Variants in SCAPER observed in about 807,000 individuals in gnomAD.
The protein encoded by SCAPER is S-phase cyclin A associated protein in the ER.
A neutral mutation model predicts 182.2 loss-of-function variants in SCAPER; 98 were observed. The observed-to-expected ratio is 0.54, with a 90% CI of 0.46 to 0.64. The LOEUF (loss-of-function observed/expected upper bound fraction) is 0.64, where lower values mean the gene tolerates loss of function less well. Ranked by LOEUF, SCAPER falls within the 30% of genes least tolerant of loss-of-function variation. The probability of loss-of-function intolerance (pLI) is 0.00; values close to 1 mark genes in which losing one functional copy is unlikely to be tolerated. For missense variants in SCAPER, 1,432 were observed against 1,690.0 expected, an observed-to-expected ratio of 0.85 and a Z score of 2.68; for synonymous variants, 605 against 564.6, an observed-to-expected ratio of 1.07 and a Z score of -1.01.
intron 29 of SCAPER, among the ~76,000 whole-genome samples, chr15:76,360,080 C>G (rs760300618): frequency 2.6e-5 from 4 of 152,160 alleles, no homozygotes; most frequent in Non-Finnish European, 4.4e-5. Context: ...ATTAGGATTA[C>G]AATCCTCAGG....
intron 2 of SCAPER, among the ~76,000 whole-genome samples, chr15:76,869,899 A>G (rs1045070785): frequency 2.6e-5 from 4 of 152,214 alleles, no homozygotes; most frequent in Non-Finnish European, 5.9e-5. Flanking sequence ...ACAAAGTTGA[A>G]TATCATTCAG....
intron 23 of SCAPER, among the ~76,000 whole-genome samples, chr15:76,507,367 G>A (rs900451031): frequency 3.7e-4 from 57 of 152,038 alleles, no homozygotes; most frequent in Admixed American, 6.6e-4. Flanking sequence ...AAAACCGAGG[G>A]AAAATCAATT....
intron 26 of SCAPER, among the ~76,000 whole-genome samples, chr15:76,426,656 A>G (rs1237298356): frequency 6.6e-6 from 1 of 151,524 alleles, no homozygotes; most frequent in East Asian, 1.9e-4. Context: ...CAATCTACAG[A>G]TTTAATGCAA....
intron 5 of SCAPER, among the ~76,000 whole-genome samples, chr15:76,820,235 C>A (rs2067425024): frequency 6.6e-6 from 1 of 152,120 alleles, no homozygotes; most frequent in Non-Finnish European, 1.5e-5. Context: ...CATCCCATTA[C>A]TGGGTATATA....
chr15:76,496,170 CTGGCTTCTAATTTCAGGAAAATCAT>C (rs2040514922), intron 24 of SCAPER, among the ~76,000 whole-genome samples: 1 of 151,960 alleles, frequency 6.6e-6, no homozygotes, highest in Non-Finnish European at 1.5e-5. Context: ...TAATAGGCAA[CTGGCTTCTAATTTCAGGAAAATCAT>C]TGGTGAAATG....
At chr15:76,378,251 ATT>A (rs1408501670) in intron 28 of SCAPER, among the ~76,000 whole-genome samples, 1 of 149,450 alleles carries the variant, frequency 6.7e-6, no homozygotes, top group Non-Finnish European at 1.5e-5. Context: ...AGGTCAGACA[ATT>A]TATCTCAGTT....
At position 76,733,587 on chromosome 15, in the gene SCAPER, A is replaced by T. The variant is rs879873679; in HGVS notation, c.1867-203T>A. Among the ~76,000 whole-genome samples, 6 of 128,056 alleles carry T rather than the reference A, an allele frequency of 4.7e-5. No individual in the cohort carries two copies. The South Asian group carries it at 8.5e-4, about 18-fold the overall frequency. The allele number at this position is 128,056 out of a possible 152,430, so 84.0% of individuals were successfully genotyped here. On this transcript the variant is annotated intron_variant, in intron 15 of 31. Coordinates refer to ENST00000563290, the MANE Select transcript of SCAPER (RefSeq NM_020843.4). ...AATATGGTGAAACCCCATCTCTACT[A>T]AAAAAAAAAAAGAAAAAATAGCCAG...
intron 23 of SCAPER, among the ~76,000 whole-genome samples, chr15:76,511,877 A>G (rs377548295): frequency 0.018 from 657 of 37,266 alleles, 3 homozygotes; most frequent in East Asian, 0.07. Flanking sequence ...GTGTGTATAT[A>G]TATATATATT....
intron 29 of SCAPER, among the ~76,000 whole-genome samples, chr15:76,375,215 C>CAAAA (rs35499483): frequency 1.8e-4 from 10 of 56,728 alleles, no homozygotes; most frequent in South Asian, 8.9e-4. Flanking sequence ...AAGAACTTGT[C>CAAAA]AAAAAAAAAA....
At chr15:76,473,963 C>T (rs968269385) in intron 24 of SCAPER, among the ~76,000 whole-genome samples, 14 of 152,016 alleles carry the variant, frequency 9.2e-5, no homozygotes, top group African/African-American at 2.4e-4. Context: ...ACGCGTGTGC[C>T]ACCACACCCA....
At chr15:76,841,445 G>A (rs1186966860) in intron 5 of SCAPER, among the ~76,000 whole-genome samples, 1 of 152,026 alleles carries the variant, frequency 6.6e-6, no homozygotes, top group African/African-American at 2.4e-5. Flanking sequence ...TCAGGAGTTC[G>A]AGACCAGCTT....
At chr15:76,403,418 C>T (rs989685806) in intron 27 of SCAPER, among the ~76,000 whole-genome samples, 1 of 152,152 alleles carries the variant, frequency 6.6e-6, no homozygotes, top group African/African-American at 2.4e-5. Flanking sequence ...TCTAGACAGT[C>T]TTAATTTTAT....
chr15:76,614,479 C>A (rs2051279755), intron 22 of SCAPER, among the ~76,000 whole-genome samples: 1 of 152,162 alleles, frequency 6.6e-6, no homozygotes, highest in South Asian at 2.1e-4. Context: ...AATGTGTATT[C>A]TCTGACCACA....
In SCAPER at chr15:76,420,119, T is replaced by C. The variant is rs184300752; in HGVS notation, c.3311+13959A>G. ...TTGAAAAAACTCTCAACAAATTCAG[T>C]ATACAAGGAACATACCTCAACACAA... On this transcript the variant is annotated intron_variant, in intron 26 of 31. Transcript: ENST00000563290. Among the ~76,000 whole-genome samples, 518 of 151,914 alleles carry C rather than the reference T, an allele frequency of 3.4e-3. 2 individuals carry two copies. The highest frequency in any genetic ancestry group is 5.0e-3 in the Non-Finnish European group (339 of 67,994).
At chr15:76,366,864 T>G (rs1173892792) in intron 29 of SCAPER, among the ~76,000 whole-genome samples, 1 of 152,234 alleles carries the variant, frequency 6.6e-6, no homozygotes, top group Non-Finnish European at 1.5e-5. Flanking sequence ...AGCTGGCAGC[T>G]GACCAGAACC....
chr15:76,358,445 C>G (rs1367865321), intron 29 of SCAPER, among the ~76,000 whole-genome samples: 3 of 152,250 alleles, frequency 2.0e-5, no homozygotes, highest in African/African-American at 7.2e-5. Flanking sequence ...ACTTAAACAA[C>G]AGAAACTTAT....
At chr15:76,436,853 G>A (rs1246145397) in intron 25 of SCAPER, among the ~76,000 whole-genome samples, 1 of 152,174 alleles carries the variant, frequency 6.6e-6, no homozygotes, top group Non-Finnish European at 1.5e-5. Context: ...ACACTTTTCT[G>A]CTGGGAGATC....
chr15:76,620,527 T>C (rs2051934131), intron 22 of SCAPER, among the ~76,000 whole-genome samples: 1 of 152,202 alleles, frequency 6.6e-6, no homozygotes, highest in Non-Finnish European at 1.5e-5. Flanking sequence ...TGCCTAATAC[T>C]TTCAGAACAA....
chr15:76,863,270 G>A (rs917405978), intron 2 of SCAPER, among the ~76,000 whole-genome samples: 2 of 152,164 alleles, frequency 1.3e-5, no homozygotes, highest in African/African-American at 4.8e-5. Context: ...AGAAGAAAGA[G>A]ATCATAAAAC....
Sources: allele counts gnomAD v4.1 joint callset (sites outside exome capture counted in the v4.1 genomes callset), GRCh38; gene constraint gnomAD v4.1.1; transcripts MANE v1.5; gene names NCBI Gene and HGNC (gene_info 2026-07-23, HGNC 2026-07-21).